Variants in TMEM132C observed in about 807,000 individuals in gnomAD.
TMEM132C encodes protein phosphatase 1, regulatory subunit 152.
Under a neutral mutation model 61.4 loss-of-function variants are expected in TMEM132C, and 29 were observed. The observed-to-expected ratio is 0.47, with a 90% CI of 0.35 to 0.64. TMEM132C has a LOEUF of 0.64. TMEM132C is among the 30% of genes least tolerant of loss of function. The pLI is 0.00. For synonymous variants in TMEM132C, 656 were observed against 633.1 expected (o/e 1.04, Z -0.54); for missense variants, 1,408 against 1,476.9 (o/e 0.95, Z 0.76).
chr12:128,624,543 CAAAAAAAAAAAAA>C (rs752979852), intron 4 of TMEM132C, among the ~76,000 whole-genome samples: 1 of 32,900 alleles, frequency 3.0e-5, no homozygotes, highest in Non-Finnish European at 6.3e-5. Flanking sequence ...GACTCCATCT[CAAAAAAAAAAAAA>C]AAAAAAAAAA....
At chr12:128,410,578 G>A (rs1868502790) in intron 1 of TMEM132C, among the ~76,000 whole-genome samples, 1 of 151,910 alleles carries the variant, frequency 6.6e-6, no homozygotes, top group Middle Eastern at 3.2e-3. Context: ...GATTTTTTTT[G>A]TATTTTTAGT....
At chr12:128,361,414 G>T (rs1276331596) in intron 1 of TMEM132C, among the ~76,000 whole-genome samples, 1 of 152,120 alleles carries the variant, frequency 6.6e-6, no homozygotes, top group Non-Finnish European at 1.5e-5. Flanking sequence ...TCTCAAATTT[G>T]CGGGCACCAA....
intron 1 of TMEM132C, among the ~76,000 whole-genome samples, chr12:128,407,681 G>T (rs1054449572): frequency 6.6e-6 from 1 of 152,200 alleles, no homozygotes. Flanking sequence ...AAAAGAGGCA[G>T]AGTGGAAATG....
intron 2 of TMEM132C, among the ~76,000 whole-genome samples, chr12:128,541,082 C>T (rs112131274): frequency 3.3e-5 from 5 of 151,852 alleles, no homozygotes; most frequent in African/African-American, 9.6e-5. Flanking sequence ...GTGGGGTTCC[C>T]ATGACCTCAT....
At chr12:128,540,776 C>T (rs1873709266) in intron 2 of TMEM132C, among the ~76,000 whole-genome samples, 3 of 152,122 alleles carry the variant, frequency 2.0e-5, no homozygotes, top group African/African-American at 7.2e-5. Context: ...GTGAGCAGTT[C>T]TGCAGCAGAT....
chr12:128,320,271 A>G (rs959378444), intron 1 of TMEM132C, among the ~76,000 whole-genome samples: 28 of 151,246 alleles, frequency 1.9e-4, no homozygotes, highest in African/African-American at 6.8e-4. Flanking sequence ...TTTTTTTTGC[A>G]TTTTGAATGT....
chr12:128,435,852 C>A (rs1265036600), intron 2 of TMEM132C, among the ~76,000 whole-genome samples: 1 of 152,202 alleles, frequency 6.6e-6, no homozygotes, highest in South Asian at 2.1e-4. Flanking sequence ...CAATCCTAAG[C>A]AAAAAGAACA....
intron 1 of TMEM132C, among the ~76,000 whole-genome samples, chr12:128,400,783 A>G (rs1056613906): frequency 5.3e-5 from 8 of 151,462 alleles, no homozygotes; most frequent in Non-Finnish European, 1.5e-5. Context: ...TAATTTTTGC[A>G]TTTTTTTGTG....
At chr12:128,308,803 G>T (rs547415822) in intron 1 of TMEM132C, among the ~76,000 whole-genome samples, 1 of 152,208 alleles carries the variant, frequency 6.6e-6, no homozygotes, top group African/African-American at 2.4e-5. Flanking sequence ...AGCAGGAGAC[G>T]TGAGAAATCT....
intron 2 of TMEM132C, among the ~76,000 whole-genome samples, chr12:128,473,136 C>T (rs1418368935): frequency 7.4e-6 from 1 of 136,032 alleles, no homozygotes; most frequent in Non-Finnish European, 1.7e-5. Context: ...CCATCTTCAT[C>T]TTCACTCCAG....
chr12:128,431,388 A>C (rs2136038631), intron 2 of TMEM132C, among the ~76,000 whole-genome samples: 1 of 152,230 alleles, frequency 6.6e-6, no homozygotes, highest in South Asian at 2.1e-4. Flanking sequence ...CCATAACATA[A>C]AAGTGCAAGG....
Position 128,566,189 on chromosome 12 carries a change from C to CAAAAAAAAAAA in TMEM132C, c.1121+22094_1121+22104dup, listed in dbSNP as rs59258589. Among the ~76,000 whole-genome samples the CAAAAAAAAAAA allele has an allele frequency of 2.7e-3, 186 of 67,780 alleles. 8 individuals are homozygous for CAAAAAAAAAAA. Among genetic ancestry groups the CAAAAAAAAAAA allele is most frequent in the African/African-American group, 8.5e-3 (170 of 20,014 alleles). 44.5% of individuals were successfully genotyped at this position (67,780 alleles called of 152,430 possible). ...ATAGGCATGAGACACCAAGCCTAAC[C>CAAAAAAAAAAA]AAAAAAAAAAAAAAAAAAGTTTTAA... On this transcript the variant is annotated intron_variant, in intron 3 of 8. Coordinates refer to ENST00000435159, the MANE Select transcript of TMEM132C (RefSeq NM_001136103.3).
chr12:128,389,575 C>G (rs571924511), intron 1 of TMEM132C, among the ~76,000 whole-genome samples: 171 of 152,316 alleles, frequency 1.1e-3, no homozygotes, highest in Non-Finnish European at 1.5e-3. Flanking sequence ...GAGCCTGGCA[C>G]ATAGTAGGTG....
At chr12:128,363,171 T>G (rs577664289) in intron 1 of TMEM132C, among the ~76,000 whole-genome samples, 179 of 152,320 alleles carry the variant, frequency 1.2e-3, no homozygotes, top group Non-Finnish European at 1.1e-3. Context: ...GAAGTAACAA[T>G]TTTTTCACTC....
rs116071665 is a variant in TMEM132C, at chr12:128,371,848, G to A, written c.86-42884G>A. 4.3e-3 allele frequency among the ~76,000 whole-genome samples: 657 copies of A among 152,264 alleles called. 3 individuals carry two copies. The highest frequency in any genetic ancestry group is 0.015 in the African/African-American group (618 of 41,556). ...CACTTCTCAGCCTCCCAAAGCACCAGGATTACAGACATGAGCCACTGCACC... is the reference window on the plus strand; with the variant it reads ...CACTTCTCAGCCTCCCAAAGCACCAAGATTACAGACATGAGCCACTGCACC... On this transcript the variant is annotated intron_variant, in intron 1 of 8. Transcript: ENST00000435159.
chr12:128,308,791 A>G (rs1871871964), intron 1 of TMEM132C, among the ~76,000 whole-genome samples: 1 of 152,194 alleles, frequency 6.6e-6, no homozygotes, highest in Non-Finnish European at 1.5e-5. Flanking sequence ...GGTCAGCTCC[A>G]CAGCAGGAGA....
intron 2 of TMEM132C, among the ~76,000 whole-genome samples, chr12:128,449,663 T>G (rs1337122734): frequency 6.6e-6 from 1 of 152,216 alleles, no homozygotes; most frequent in Admixed American, 6.5e-5. Context: ...TGGCTATGAC[T>G]CTGTTACAGT....
intron 1 of TMEM132C, among the ~76,000 whole-genome samples, chr12:128,397,660 A>T (rs777126861): frequency 6.6e-6 from 1 of 152,026 alleles, no homozygotes; most frequent in Non-Finnish European, 1.5e-5. Flanking sequence ...CTGGGTCCCA[A>T]TGCTTTTCTC....
intron 5 of TMEM132C, among the ~76,000 whole-genome samples, chr12:128,687,215 A>AAAAT (rs1954684237): frequency 6.6e-6 from 1 of 151,372 alleles, no homozygotes; most frequent in Non-Finnish European, 1.5e-5. Flanking sequence ...AAAAAAAAAA[A>AAAAT]AAAGAGGAAA....
Sources: gnomAD v4.1 joint callset for allele counts (sites outside exome capture counted in the v4.1 genomes callset) on GRCh38, gnomAD v4.1.1 for gene constraint, MANE v1.5 for transcripts, NCBI Gene and HGNC (gene_info 2026-07-23, HGNC 2026-07-21) for gene names.